The following NTM variants were observed in gnomAD, a reference collection of about 807,000 sequenced individuals.
NTM encodes neurotrimin.
In NTM, 13 loss-of-function variants were observed where a neutral mutation model predicts 42.1. That is an observed-to-expected ratio of 0.31 (90% CI 0.20 to 0.49). The LOEUF is 0.49. Ranked by LOEUF, NTM falls within the 20% of genes least tolerant of loss-of-function variation. The pLI is 0.99. For missense variants in NTM, 373 were observed against 452.8 expected, an observed-to-expected ratio of 0.82 and a Z score of 1.60; for synonymous variants, 187 against 179.2, an observed-to-expected ratio of 1.04 and a Z score of -0.35.
At chr11:131,564,632 A>T (rs1211620641) in intron 1 of NTM, among the ~76,000 whole-genome samples, 7 of 152,214 alleles carry the variant, frequency 4.6e-5, no homozygotes, top group Non-Finnish European at 1.0e-4. Flanking sequence ...CCATCAAGGT[A>T]ACAAATATAT....
chr11:131,794,402 T>C (rs533240643), intron 1 of NTM: 1 of 800,674 alleles, frequency 1.2e-6, no homozygotes, highest in African/African-American at 1.9e-5. Flanking sequence ...AAACTCACCT[T>C]CCATCTACAT....
chr11:131,763,020 C>A (rs1170950345), intron 1 of NTM, among the ~76,000 whole-genome samples: 2 of 152,186 alleles, frequency 1.3e-5, no homozygotes, highest in South Asian at 2.1e-4. Context: ...GGGAGACAGG[C>A]GGATTCAGGG....
At chr11:131,847,142 A>T (rs1293446414) in intron 1 of NTM, among the ~76,000 whole-genome samples, 1 of 152,282 alleles carries the variant, frequency 6.6e-6, no homozygotes, top group South Asian at 2.1e-4. Context: ...AGGAATAATA[A>T]TTATATCCCC....
At chr11:131,732,226 A>T (rs1347264286) in intron 1 of NTM, among the ~76,000 whole-genome samples, 1 of 152,168 alleles carries the variant, frequency 6.6e-6, no homozygotes, top group Non-Finnish European at 1.5e-5. Context: ...TTTGTTATTT[A>T]TTCACCCAAT....
chr11:131,609,814 AG>A (rs1452870388), intron 1 of NTM, among the ~76,000 whole-genome samples: 1 of 152,228 alleles, frequency 6.6e-6, no homozygotes, highest in Non-Finnish European at 1.5e-5. Flanking sequence ...AATGCTAATT[AG>A]GATGTGGGTT....
At chr11:131,799,068 T>A (rs999794087) in intron 1 of NTM, among the ~76,000 whole-genome samples, 9 of 152,278 alleles carry the variant, frequency 5.9e-5, no homozygotes, top group Non-Finnish European at 1.3e-4. Context: ...ACTCTTTTAG[T>A]AAAGCACTTT....
intron 1 of NTM, among the ~76,000 whole-genome samples, chr11:131,496,809 A>G (rs982454297): frequency 2.0e-5 from 3 of 152,214 alleles, no homozygotes; most frequent in Admixed American, 6.5e-5. Context: ...AATGAAAGCC[A>G]GGTGATATTA....
intron 1 of NTM, among the ~76,000 whole-genome samples, chr11:131,497,377 C>T (rs549997141): frequency 2.2e-3 from 173 of 78,330 alleles, no homozygotes; most frequent in African/African-American, 5.9e-3. Flanking sequence ...TTAGTAGAGA[C>T]GGGGTTTCAC....
At chr11:132,067,074 C>T (rs1312100779) in intron 2 of NTM, among the ~76,000 whole-genome samples, 1 of 152,130 alleles carries the variant, frequency 6.6e-6, no homozygotes, top group Admixed American at 6.6e-5. Context: ...CCTACCTCGG[C>T]CTCTTAAGTA....
At chr11:131,477,033 G>A (rs1424029269) in intron 1 of NTM, among the ~76,000 whole-genome samples, 1 of 152,042 alleles carries the variant, frequency 6.6e-6, no homozygotes, top group East Asian at 1.9e-4. Flanking sequence ...GATTCAGCTC[G>A]ATAGGCATGT....
chr11:131,951,218 A>G (rs116295331), intron 2 of NTM, among the ~76,000 whole-genome samples: 179 of 152,316 alleles, frequency 1.2e-3, no homozygotes, highest in Non-Finnish European at 2.0e-3. Flanking sequence ...TGAGGCTCTT[A>G]GTGTAACAGT....
chr11:131,521,633 A>G (rs1458181528), intron 1 of NTM, among the ~76,000 whole-genome samples: 1 of 151,824 alleles, frequency 6.6e-6, no homozygotes, highest in East Asian at 2.0e-4. Flanking sequence ...CTCACTCATT[A>G]CTGTGAGGAC....
chr11:131,512,418 C>T (rs1043513057), intron 1 of NTM, among the ~76,000 whole-genome samples: 1 of 152,270 alleles, frequency 6.6e-6, no homozygotes, highest in Non-Finnish European at 1.5e-5. Flanking sequence ...CAGGGGCTGT[C>T]CTCAAACCAG....
intron 2 of NTM, among the ~76,000 whole-genome samples, chr11:132,030,300 T>C (rs2075751229): frequency 6.6e-6 from 1 of 152,164 alleles, no homozygotes; most frequent in South Asian, 2.1e-4. Context: ...TCTAAGCTAG[T>C]CCAATTATCT....
At chr11:132,007,291 T>C (rs908270163) in intron 2 of NTM, among the ~76,000 whole-genome samples, 11 of 152,030 alleles carry the variant, frequency 7.2e-5, no homozygotes, top group African/African-American at 2.4e-4. Context: ...TTCTACAGGG[T>C]AGTTTGGATA....
chr11:132,289,954 T>C (rs2094398577), intron 4 of NTM, among the ~76,000 whole-genome samples: 1 of 152,262 alleles, frequency 6.6e-6, no homozygotes, highest in African/African-American at 2.4e-5. Context: ...GTTGTTTCTG[T>C]TGGCATTTGC....
intron 1 of NTM, among the ~76,000 whole-genome samples, chr11:131,525,845 A>ATGTG (rs113346408): frequency 6.6e-6 from 1 of 151,334 alleles, no homozygotes; most frequent in Non-Finnish European, 1.5e-5. Context: ...CTTAACAGTA[A>ATGTG]TGTGTGTGTG....
chr11:131,661,667 G>A lies in NTM; in HGVS notation c.83-249897G>A, dbSNP rs550492104. On this transcript the variant is annotated intron_variant, in intron 1 of 8. Transcript: ENST00000683400. ...TAGTCACTGTACCTTTTCTTGGTCAGTCAAGAAAGGCGTTTTGAAGTTCCA... is the reference window on the plus strand; with the variant it reads ...TAGTCACTGTACCTTTTCTTGGTCAATCAAGAAAGGCGTTTTGAAGTTCCA... Among the ~76,000 whole-genome samples, 24 of 152,268 alleles carry A rather than the reference G, an allele frequency of 1.6e-4. No homozygotes were observed. In the East Asian group the frequency reaches 4.2e-3, roughly 27 times the overall value.
At chr11:131,895,296 G>A (rs1420387418) in intron 1 of NTM, among the ~76,000 whole-genome samples, 1 of 152,088 alleles carries the variant, frequency 6.6e-6, no homozygotes, top group Non-Finnish European at 1.5e-5. Context: ...GGCATGGGCT[G>A]GAAGTAACCA....
Sources: gnomAD v4.1 joint callset for allele counts (sites outside exome capture counted in the v4.1 genomes callset) on GRCh38, gnomAD v4.1.1 for gene constraint, MANE v1.5 for transcripts, NCBI Gene and HGNC (gene_info 2026-07-23, HGNC 2026-07-21) for gene names.